RBAK: variants seen among roughly 807,000 people sequenced by gnomAD.
The protein encoded by RBAK is RB-associated KRAB zinc finger protein.
A neutral mutation model predicts 65.8 loss-of-function variants in RBAK; 39 were observed. The observed-to-expected ratio is 0.59, with a 90% confidence interval of 0.46 to 0.77. RBAK has a LOEUF of 0.77. Among genes scored for constraint, RBAK ranks in the 30% least tolerant of loss-of-function variants. The probability of loss-of-function intolerance (pLI) is 0.00; values close to 1 mark genes in which losing one functional copy is unlikely to be tolerated. For missense variants in RBAK, 884 were observed against 855.1 expected, an observed-to-expected ratio of 1.03 and a Z score of -0.42; for synonymous variants, 343 against 289.7, an observed-to-expected ratio of 1.18 and a Z score of -1.87.
chr7:5,060,509 A>C (rs1322543579), intron 4 of RBAK, among the ~76,000 whole-genome samples: 2 of 152,274 alleles, frequency 1.3e-5, no homozygotes, highest in Admixed American at 6.5e-5. Flanking sequence ...CACATTGTGC[A>C]ACTTTAAGAA....
intron 2 of RBAK, among the ~76,000 whole-genome samples, chr7:5,055,651 A>T (rs532593888): frequency 6.6e-6 from 1 of 152,102 alleles, no homozygotes; most frequent in Non-Finnish European, 1.5e-5. Context: ...TTGTTTGATT[A>T]TGTTTCATTT....
At chr7:5,052,596 C>G (rs1788140046) in intron 2 of RBAK, among the ~76,000 whole-genome samples, 1 of 152,164 alleles carries the variant, frequency 6.6e-6, no homozygotes, top group African/African-American at 2.4e-5. Flanking sequence ...AAGTGATATA[C>G]CATTTTTCTT....
chr7:5,052,817 G>A (rs1788145942), intron 2 of RBAK, among the ~76,000 whole-genome samples: 1 of 152,006 alleles, frequency 6.6e-6, no homozygotes, highest in African/African-American at 2.4e-5. Flanking sequence ...TGGAGTGCAG[G>A]GGTGCGATCT....
intron 4 of RBAK, among the ~76,000 whole-genome samples, chr7:5,063,278 C>T (rs1779122519): frequency 6.6e-6 from 1 of 152,186 alleles, no homozygotes; most frequent in Admixed American, 6.5e-5. Flanking sequence ...CCTGACTTCC[C>T]ACAACACATT....
chr7:5,050,242 C>T (rs888380489), intron 2 of RBAK, among the ~76,000 whole-genome samples: 13 of 152,298 alleles, frequency 8.5e-5, no homozygotes, highest in African/African-American at 2.2e-4. Context: ...ATGTCTCTTG[C>T]GTGCTCATTG....
At chr7:5,061,807 A>T (rs1309808160) in intron 4 of RBAK, among the ~76,000 whole-genome samples, 1 of 151,708 alleles carries the variant, frequency 6.6e-6, no homozygotes, top group African/African-American at 2.4e-5. Flanking sequence ...CTGAGGCAGG[A>T]GATTCGCTTG....
rs1177211061 is a variant in RBAK, at chr7:5,064,833, T to C, written c.1377T>C (p.Cys459=). 6.2e-7 allele frequency: 1 copy of C among 1,614,118 alleles called. No homozygotes were observed. Among genetic ancestry groups the C allele is most frequent in the East Asian group, 2.2e-5 (1 of 44,884 alleles). ...ATTTAGAAGAGAAACCCTATGAATG[T>C]AATGAATGTGGCAAAACCTTCAATT... The part of the protein sequence containing the change: ...RSHLEEKPYE[C]NECGKTFNLN... Residue 459 remains cysteine, a synonymous_variant, in exon 5 of 5, where the codon TGT becomes TGC. Transcript: ENST00000396912. The surrounding 1 kb of genome is among the most constrained non-coding windows in gnomAD (Gnocchi z 6.3).
At position 5,048,466 on chromosome 7, in the gene RBAK, G is replaced by C. The variant is rs749184652; in HGVS notation, c.15+375G>C. On this transcript the variant is annotated intron_variant, in intron 2 of 4. Transcript: ENST00000396912. The surrounding 1 kb of genome is among the most constrained non-coding windows in gnomAD (Gnocchi z 4.4). ...TGGGATTACAGGCATGAGCCACCGC[G>C]CCCAGCCAGGATTCATACTTTAAAA... Among the ~76,000 whole-genome samples the C allele has an allele frequency of 6.6e-6, 1 of 152,208 alleles. No homozygotes were observed. The highest frequency in any genetic ancestry group is 1.5e-5 in the Non-Finnish European group (1 of 68,042).
Position 5,046,183 on chromosome 7 carries a change from C to G in RBAK, c.-258C>G. The G allele has an allele frequency of 2.2e-6, 1 of 459,098 alleles. No homozygotes were observed. Among genetic ancestry groups the G allele is most frequent in the Non-Finnish European group, 4.3e-6 (1 of 231,110 alleles). The allele number at this position is 459,098 out of a possible 1,614,324, so 28.4% of individuals were successfully genotyped here. ...TGTCCTGGCGGCCTGGCCCAGGCTG[C>G]CGCTGTACGGTGAGCCCGAGGGAGG... On this transcript the variant is annotated 5_prime_UTR_variant, in exon 1 of 5. Transcript: ENST00000396912.
chr7:5,063,501 G>GTGTGTGTGTGTA (rs1239879134), intron 4 of RBAK, among the ~76,000 whole-genome samples, 194 bp from the exon 5 acceptor site: 4 of 151,990 alleles, frequency 2.6e-5, no homozygotes, highest in African/African-American at 9.7e-5. Context: ...GTGTGTGTGT[G>GTGTGTGTGTGTA]TGTGTGTGTG....
chr7:5,058,650 C>T (rs990146388), intron 4 of RBAK, among the ~76,000 whole-genome samples: 5 of 152,172 alleles, frequency 3.3e-5, no homozygotes, highest in African/African-American at 1.2e-4. Flanking sequence ...CCTCAGCCTT[C>T]GTCTCTTTCC....
chr7:5,060,905 G>A (rs1241898478), intron 4 of RBAK, among the ~76,000 whole-genome samples: 1 of 152,148 alleles, frequency 6.6e-6, no homozygotes. Flanking sequence ...AAAATAGTTT[G>A]TGCATCCAAA....
At chr7:5,057,851 A>G in intron 4 of RBAK, 72 bp downstream of exon 4, 5 of 1,556,628 alleles carry the variant, frequency 3.2e-6, no homozygotes, top group South Asian at 1.1e-5. Flanking sequence ...AGAGTTGTTT[A>G]TATGTATTCA....
intron 4 of RBAK, among the ~76,000 whole-genome samples, chr7:5,062,553 A>T (rs1051853559): frequency 1.3e-5 from 2 of 152,184 alleles, no homozygotes; most frequent in African/African-American, 4.8e-5. Flanking sequence ...TAAAATTGCT[A>T]ATGAAGTTTC....
intron 2 of RBAK, among the ~76,000 whole-genome samples, chr7:5,053,794 G>A (rs971074693): frequency 6.6e-6 from 1 of 152,132 alleles, no homozygotes; most frequent in African/African-American, 2.4e-5. Context: ...TAGAAGGTTA[G>A]CGTGGGTCTT....
At chr7:5,051,142 A>G (rs1788107228) in intron 2 of RBAK, among the ~76,000 whole-genome samples, 1 of 152,200 alleles carries the variant, frequency 6.6e-6, no homozygotes, top group Non-Finnish European at 1.5e-5. Context: ...GATATATTTG[A>G]TAGCAAATCT....
Position 5,065,273 on chromosome 7 carries a change from A to G in RBAK, c.1817A>G (p.Gln606Arg). The G allele has an allele frequency of 6.2e-7, 1 of 1,614,052 alleles. No homozygotes were observed. The highest frequency in any genetic ancestry group is 8.5e-7 in the Non-Finnish European group (1 of 1,179,954). ...TACGAATGTGGAAAATTCTTCTCTC[A>G]GAAATCATATCTCACTATACATCAT... Reference protein sequence around the residue: ...ECYECGKFFSQKSYLTIHHRI... With the variant: ...ECYECGKFFSRKSYLTIHHRI... Residue 606 changes from glutamine (Q) to arginine (R), a missense_variant, in exon 5 of 5, where the codon CAG (glutamine) becomes CGG (arginine). Gln to Arg is a conservative substitution (Grantham distance 43). Transcript: ENST00000396912. The surrounding 1 kb of genome is among the most constrained non-coding windows in gnomAD (Gnocchi z 5.3).
At chr7:5,047,601 CTTTTTTTTTTTTT>C (rs1037439035) in intron 1 of RBAK, among the ~76,000 whole-genome samples, 2 of 100,916 alleles carry the variant, frequency 2.0e-5, no homozygotes, top group East Asian at 2.7e-4. Context: ...TTTTCACTCT[CTTTTTTTTTTTTT>C]TTTTTTTTTT....
At position 5,046,352 on chromosome 7, in the gene RBAK, G is replaced by T. The variant is rs1280090847; in HGVS notation, c.-89G>T. The T allele has an allele frequency of 1.9e-6, 1 of 515,808 alleles. No homozygotes were observed. The highest frequency in any genetic ancestry group is 1.4e-5 in the South Asian group (1 of 71,318). 32.0% of individuals were successfully genotyped at this position (515,808 alleles called of 1,614,324 possible). On this transcript the variant is annotated 5_prime_UTR_variant, in exon 1 of 5. Transcript: ENST00000396912. The stretch of plus-strand genomic sequence containing the variant: ...GCGCCAGCGACAGCAGCCCCGCCCC[G>T]GCCTCTCGGGAGCCGTGGGGCAGAG...
Sources: gnomAD v4.1 joint callset for allele counts (sites outside exome capture counted in the v4.1 genomes callset) on GRCh38, gnomAD v4.1.1 for gene constraint, Gnocchi (gnomAD v3.1) non-coding constraint, MANE v1.5 for transcripts, NCBI Gene and HGNC (gene_info 2026-07-23, HGNC 2026-07-21) for gene names.